Variants in FANCM observed in about 807,000 individuals in gnomAD.
FANCM encodes the protein FA complementation group M.
Under a neutral mutation model 199.5 loss-of-function variants are expected in FANCM, and 140 were observed. The observed-to-expected ratio is 0.70, with a 90% CI of 0.61 to 0.81. FANCM has a LOEUF of 0.81. Ranked by LOEUF, FANCM falls within the 30% of genes least tolerant of loss-of-function variation. The pLI, the probability that FANCM is intolerant of heterozygous loss-of-function variation, is 0.00. For missense variants in FANCM, 2,410 were observed against 2,421.4 expected, an observed-to-expected ratio of 1.00 and a Z score of 0.10; for synonymous variants, 840 against 836.8, an observed-to-expected ratio of 1.00 and a Z score of -0.07.
At chr14:45,141,580 C>A (rs1274535188) in intron 3 of FANCM, among the ~76,000 whole-genome samples, 2 of 143,158 alleles carry the variant, frequency 1.4e-5, no homozygotes, top group Non-Finnish European at 3.0e-5. Flanking sequence ...CTCTCCTTTC[C>A]TTTCTTTCTT....
At chr14:45,168,797 AATATATAGTATATATTATATACT>A (rs1282617527) in intron 11 of FANCM, among the ~76,000 whole-genome samples, 1 of 147,988 alleles carries the variant, frequency 6.8e-6, no homozygotes, top group Admixed American at 6.8e-5. Flanking sequence ...TATATATTAA[AATATATAGTATATATTATATACT>A]ATATATAGTA....
At position 45,185,218 on chromosome 14, in the gene FANCM, A is replaced by T. The variant is rs775457463; in HGVS notation, c.4517A>T (p.His1506Leu). The change falls in exon 18 of 23, where the codon CAT becomes CTT. Residue 1506 changes from histidine (H) to leucine (L), a missense_variant and splice_region_variant. Transcript: ENST00000267430. ...KVPKRQSHLKHVARKFLDDEA... is the reference protein window; with the variant it reads ...KVPKRQSHLKLVARKFLDDEA... ...TGTTTTCTAATTTGTCTTACTTAGC[A>T]TGTAGCTAGGAAGTTTTTAGATGAT... The T allele has an allele frequency of 6.3e-7, 1 of 1,578,374 alleles. No individual in the cohort carries two copies. The highest frequency in any genetic ancestry group is 8.7e-7 in the Non-Finnish European group (1 of 1,150,268).
chr14:45,164,190 C>T (rs1887798627), intron 9 of FANCM, among the ~76,000 whole-genome samples, 169 bp from the exon 10 acceptor site: 2 of 152,180 alleles, frequency 1.3e-5, no homozygotes, highest in South Asian at 4.1e-4. Context: ...AGCAATCTTT[C>T]TGCCTTGTCC....
chr14:45,146,046 G>A (rs867002960), intron 3 of FANCM, among the ~76,000 whole-genome samples: 23 of 140,192 alleles, frequency 1.6e-4, no homozygotes, highest in African/African-American at 5.1e-4. Context: ...GCCACAGAGC[G>A]AGACTCCGTC....
At chr14:45,153,811 T>C (rs1176697396) in intron 5 of FANCM, 109 bp from the exon 6 acceptor site, 1 of 866,418 alleles carries the variant, frequency 1.2e-6, no homozygotes, top group African/African-American at 1.7e-5. Context: ...ATTATGATCA[T>C]TTGGATTATA....
chr14:45,160,542 C>CTT (rs780495771), intron 9 of FANCM, among the ~76,000 whole-genome samples: 1 of 135,682 alleles, frequency 7.4e-6, no homozygotes, highest in Admixed American at 7.5e-5. Flanking sequence ...GTCAGGTATT[C>CTT]TTTTTTTTTT....
chr14:45,155,337 A>C lies in FANCM; in HGVS notation c.1310-36A>C, dbSNP rs760104629. On this transcript the variant is annotated intron_variant, in intron 7 of 22. Coordinates refer to ENST00000267430, the MANE Select transcript of FANCM (RefSeq NM_020937.4). ...TTAGTGTAATTGAATATGGAAAAAA[A>C]CAGAAAAAAATTTTGATATTTTTGT... is the stretch of plus-strand genomic sequence containing the variant. 26 of 945,572 alleles carry C rather than the reference A, an allele frequency of 2.7e-5. No individual in the cohort carries two copies. The African/African-American group carries it at 3.1e-4, about 11-fold the overall frequency. The allele number at this position is 945,572 out of a possible 1,614,324, so 58.6% of individuals were successfully genotyped here. A position where few individuals can be genotyped will look rare whatever the true frequency, so the allele number is the denominator to read the frequency against.
chr14:45,183,209 CTGA>C (rs1221801531), intron 16 of FANCM, among the ~76,000 whole-genome samples: 1 of 152,122 alleles, frequency 6.6e-6, no homozygotes, highest in Non-Finnish European at 1.5e-5. Flanking sequence ...ATTGATAATG[CTGA>C]TGATCAATTT....
At chr14:45,159,790 G>A (rs1887455816) in intron 9 of FANCM, among the ~76,000 whole-genome samples, 1 of 152,192 alleles carries the variant, frequency 6.6e-6, no homozygotes, top group African/African-American at 2.4e-5. Context: ...TATGCTCTGA[G>A]TAAGAGGACA....
At chr14:45,167,940 G>T (rs1289512330) in intron 11 of FANCM, among the ~76,000 whole-genome samples, 1 of 152,070 alleles carries the variant, frequency 6.6e-6, no homozygotes, top group Non-Finnish European at 1.5e-5. Context: ...TCTTTAGAGG[G>T]TTCATTCCAT....
rs1890207596 is a variant in FANCM, at chr14:45,198,743, A to G, written c.5816A>G (p.Glu1939Gly). ...CGAATTCTTTTCAGTTCCTGCCAAG[A>G]AGAAACCGCAGATTTGCTAAAGGAA... ...GIRILFSSCQ[E>G]ETADLLKELS... Residue 1939 changes from glutamate (E) to glycine (G), a missense_variant, in exon 22 of 23, where the codon GAA becomes GGA. Coordinates refer to ENST00000267430, the MANE Select transcript of FANCM (RefSeq NM_020937.4). 2 of 1,614,096 alleles carry G rather than the reference A, an allele frequency of 1.2e-6. No homozygotes were observed. The highest frequency in any genetic ancestry group is 2.2e-5 in the South Asian group (2 of 91,078).
At chr14:45,149,502 G>C (rs1886669583) in intron 4 of FANCM, among the ~76,000 whole-genome samples, 2 of 152,060 alleles carry the variant, frequency 1.3e-5, no homozygotes, top group Admixed American at 1.3e-4. Flanking sequence ...AAGTAGCTGG[G>C]ATTACAGGCA....
At chr14:45,146,015 C>T (rs1203097763) in intron 3 of FANCM, among the ~76,000 whole-genome samples, 11 of 130,284 alleles carry the variant, frequency 8.4e-5, no homozygotes, top group Admixed American at 2.3e-4. Context: ...GCCGAGATCC[C>T]GCCACTGCAC....
At chr14:45,157,270 A>G (rs1295336296) in intron 8 of FANCM, among the ~76,000 whole-genome samples, 1 of 152,208 alleles carries the variant, frequency 6.6e-6, no homozygotes, top group Non-Finnish European at 1.5e-5. Flanking sequence ...GTTTTTACAT[A>G]TTTACATATA....
chr14:45,185,263 A>T lies in FANCM; in HGVS notation c.4562A>T (p.Glu1521Val). 2 of 1,604,566 alleles carry T rather than the reference A, an allele frequency of 1.2e-6. No homozygotes were observed. Among genetic ancestry groups the T allele is most frequent in the Non-Finnish European group, 8.5e-7 (1 of 1,172,364 alleles). ...FLDDEAELSE[E>V]DAEYVSSDEN... is the part of the protein sequence containing the mutation. ...GATGATGAAGCAGAACTTTCTGAAG[A>T]AGATGCAGAATATGTTTCATCAGAT... The change falls in exon 18 of 23, where the codon GAA (glutamate) becomes GTA (valine). Residue 1521 changes from glutamate to valine, a missense_variant. Transcript: ENST00000267430.
chr14:45,151,215 G>T (rs1375098851), intron 4 of FANCM, among the ~76,000 whole-genome samples, 182 bp from the exon 5 acceptor site: 2 of 152,198 alleles, frequency 1.3e-5, no homozygotes, highest in African/African-American at 4.8e-5. Flanking sequence ...TTTTTATATG[G>T]ATATTATTTG....
At chr14:45,153,354 A>C (rs76225590) in intron 5 of FANCM, among the ~76,000 whole-genome samples, 6,923 of 152,318 alleles carry the variant, frequency 0.045, 551 homozygotes, top group African/African-American at 0.16. Flanking sequence ...TGAATTGTGC[A>C]AGTAATGTGC....
chr14:45,198,057 A>G (rs1890166700), intron 21 of FANCM, among the ~76,000 whole-genome samples: 1 of 152,110 alleles, frequency 6.6e-6, no homozygotes, highest in East Asian at 1.9e-4. Flanking sequence ...TTGAGCCACC[A>G]GCCTTCTTTT....
At chr14:45,181,939 C>G (rs1889099576) in intron 16 of FANCM, among the ~76,000 whole-genome samples, 1 of 152,122 alleles carries the variant, frequency 6.6e-6, no homozygotes, top group Admixed American at 6.5e-5. Flanking sequence ...CTTTAAAAAC[C>G]ATCCTATTTT....
Sources: gnomAD v4.1 joint callset for allele counts (sites outside exome capture counted in the v4.1 genomes callset) on GRCh38, gnomAD v4.1.1 for gene constraint, MANE v1.5 for transcripts, NCBI Gene and HGNC (gene_info 2026-07-23, HGNC 2026-07-21) for gene names.